The following C2CD2 variants were observed in gnomAD, a reference collection of about 807,000 sequenced individuals.
C2CD2 encodes C2 calcium dependent domain containing 2, also known as C2 domain-containing protein 2.
C2CD2 carries 43 observed loss-of-function variants against 74.3 expected under a neutral mutation model. The observed-to-expected ratio is 0.58, with a 90% CI of 0.45 to 0.75. C2CD2 has a LOEUF of 0.75. Ranked by LOEUF, C2CD2 falls within the 30% of genes least tolerant of loss-of-function variation. C2CD2 has a pLI of 0.00. For missense variants in C2CD2, 801 were observed against 916.3 expected (o/e 0.87, Z 1.63); for synonymous variants, 422 against 390.7 (o/e 1.08, Z -0.94).
chr21:41,952,150 G>T (rs2065455262), intron 1 of C2CD2, among the ~76,000 whole-genome samples: 1 of 152,226 alleles, frequency 6.6e-6, no homozygotes, highest in African/African-American at 2.4e-5. Context: ...CTGAGGCACA[G>T]ATTCTGGGCA....
intron 1 of C2CD2, 50 bp downstream of exon 1, chr21:41,953,320 C>A (rs758563355): frequency 3.1e-6 from 4 of 1,287,010 alleles, no homozygotes; most frequent in Admixed American, 3.6e-5. Flanking sequence ...CGGCCCGGAC[C>A]GCCCGCCCCG....
chr21:41,947,500 G>A (rs531121478), intron 1 of C2CD2, among the ~76,000 whole-genome samples: 1 of 152,122 alleles, frequency 6.6e-6, no homozygotes, highest in Non-Finnish European at 1.5e-5. Flanking sequence ...CTTGTGTTAT[G>A]AATCATAGTA....
Position 41,939,149 on chromosome 21 carries a change from C to A in C2CD2, c.378+2998G>T, listed in dbSNP as rs1282688261. On this transcript the variant is annotated intron_variant, in intron 2 of 13. Transcript: ENST00000380486. The surrounding 1 kb of genome is among the most constrained non-coding windows in gnomAD (Gnocchi z 5.5). ...GGGCCCTTGGGTTCCTTCCACATTT[C>A]AGCAGTTATGAAAAATGTTGCTATG... Among the ~76,000 whole-genome samples, 1 of 152,156 alleles carries A rather than the reference C, an allele frequency of 6.6e-6. No homozygotes were observed.
Position 41,892,394 on chromosome 21 carries a change from G to A in C2CD2, c.1871-3050C>T, listed in dbSNP as rs1056922587. On this transcript the variant is annotated intron_variant, in intron 13 of 13. Coordinates refer to ENST00000380486, the MANE Select transcript of C2CD2 (RefSeq NM_015500.2). The surrounding 1 kb of genome is among the most constrained non-coding windows in gnomAD (Gnocchi z 4.6). ...AACAGGGAAAGAATTGGCTCCTGGT[G>A]TTGCAAACACCCAGTTTGTGGTACT... Among the ~76,000 whole-genome samples the A allele has an allele frequency of 7.9e-5, 12 of 152,266 alleles. No homozygotes were observed. The highest frequency in any genetic ancestry group is 7.8e-4 in the Admixed American group (12 of 15,302).
intron 12 of C2CD2, chr21:41,901,394 A>G (rs1258879190): frequency 3.4e-6 from 2 of 589,372 alleles, no homozygotes; most frequent in East Asian, 5.8e-5. Flanking sequence ...CAACGTGTAA[A>G]GCGTCCCTGA....
In C2CD2 at chr21:41,892,655, C is replaced by T. The variant is rs145690941; in HGVS notation, c.1871-3311G>A. 4.1e-4 allele frequency among the ~76,000 whole-genome samples: 61 copies of T among 149,292 alleles called. No homozygotes were observed. Among genetic ancestry groups the T allele is most frequent in the African/African-American group, 1.5e-3 (61 of 41,378 alleles). On this transcript the variant is annotated intron_variant, in intron 13 of 13. Coordinates refer to ENST00000380486, the MANE Select transcript of C2CD2 (RefSeq NM_015500.2). The surrounding 1 kb of genome is among the most constrained non-coding windows in gnomAD (Gnocchi z 4.6). The stretch of plus-strand genomic sequence containing the variant: ...ATGATGGGGGTCTGGGGACACTGGG[C>T]ATGAGCATTTTTCAAAAGTTCCCAG...
chr21:41,911,699 T>C (rs964527581), intron 7 of C2CD2, among the ~76,000 whole-genome samples: 1 of 151,792 alleles, frequency 6.6e-6, no homozygotes, highest in African/African-American at 2.4e-5. Flanking sequence ...TTCTTTCTTT[T>C]TTTTTTTTTG....
chr21:41,886,286 T>C lies in C2CD2; in HGVS notation c.*2838A>G, dbSNP rs559445875. On this transcript the variant is annotated 3_prime_UTR_variant, in exon 14 of 14. Transcript: ENST00000380486. ...AAAGCTTGTAGAAGAGGTGAGGCGA[T>C]AAAGGTGATTTACACATCAGTATTT... is the stretch of plus-strand genomic sequence containing the variant. 6.6e-6 allele frequency: 1 copy of C among 152,238 alleles called. No individual in the cohort carries two copies. Among genetic ancestry groups the C allele is most frequent in the Non-Finnish European group, 1.5e-5 (1 of 68,042 alleles). 9.4% of individuals were successfully genotyped at this position (152,238 alleles called of 1,614,324 possible). A position where few individuals can be genotyped will look rare whatever the true frequency, so the allele number is the denominator to read the frequency against.
At chr21:41,893,974 C>G (rs1401759713) in intron 13 of C2CD2, among the ~76,000 whole-genome samples, 1 of 152,244 alleles carries the variant, frequency 6.6e-6, no homozygotes, top group African/African-American at 2.4e-5. Context: ...GCTGGGATTA[C>G]AGGTGTGAGC....
chr21:41,941,561 T>C (rs1383220732), intron 2 of C2CD2, among the ~76,000 whole-genome samples: 2 of 152,242 alleles, frequency 1.3e-5, no homozygotes, highest in Non-Finnish European at 2.9e-5. Context: ...ATCATAAATA[T>C]ATAAAGTCTA....
chr21:41,951,062 C>T (rs2065446636), intron 1 of C2CD2, among the ~76,000 whole-genome samples: 1 of 152,132 alleles, frequency 6.6e-6, no homozygotes, highest in Admixed American at 6.5e-5. Flanking sequence ...AGGGCAGCCA[C>T]GAATGGACAC....
In C2CD2 at chr21:41,929,760, C is replaced by G. The variant is rs1468370104; in HGVS notation, c.379-7675G>C. Among the ~76,000 whole-genome samples the G allele has an allele frequency of 6.6e-6, 1 of 152,234 alleles. No individual in the cohort carries two copies. The highest frequency in any genetic ancestry group is 2.4e-5 in the African/African-American group (1 of 41,456). ...CCAAGTGTCCAGCTCAGCTCCTGCC[C>G]TCATCAGCAAGTTTTCCAAATGAAA... On this transcript the variant is annotated intron_variant, in intron 2 of 13. Transcript: ENST00000380486. The surrounding 1 kb of genome is among the most constrained non-coding windows in gnomAD (Gnocchi z 4.6).
chr21:41,949,998 G>A lies in C2CD2; in HGVS notation c.279+3372C>T, dbSNP rs115330284. ...CACCAGGGCCTGTCAGGGACTGGGC[G>A]GCTGGGGAAGGGATAGCACTAGGAC... is the stretch of plus-strand genomic sequence containing the variant. On this transcript the variant is annotated intron_variant, in intron 1 of 13. Coordinates refer to ENST00000380486, the MANE Select transcript of C2CD2 (RefSeq NM_015500.2). 6.4e-3 allele frequency among the ~76,000 whole-genome samples: 977 copies of A among 152,286 alleles called. 8 individuals carry two copies. The highest frequency in any genetic ancestry group is 0.022 in the African/African-American group (919 of 41,554).
intron 2 of C2CD2, among the ~76,000 whole-genome samples, chr21:41,935,139 C>G (rs988377606): frequency 8.5e-5 from 13 of 152,168 alleles, no homozygotes; most frequent in Non-Finnish European, 1.2e-4. Context: ...ATCCACCTGC[C>G]CTGGCCTTCC....
chr21:41,901,799 C>A (rs372877911), intron 11 of C2CD2, 50 bp from the exon 12 acceptor site: 2 of 1,547,476 alleles, frequency 1.3e-6, no homozygotes, highest in Non-Finnish European at 1.8e-6. Context: ...TTAAAGACTT[C>A]CATGGGAACT....
At chr21:41,919,777 G>T (rs2065135539) in intron 3 of C2CD2, among the ~76,000 whole-genome samples, 1 of 152,164 alleles carries the variant, frequency 6.6e-6, no homozygotes, top group Non-Finnish European at 1.5e-5. Context: ...AGACAGAACA[G>T]CGGCCCCCAA....
intron 2 of C2CD2, among the ~76,000 whole-genome samples, chr21:41,936,009 T>C (rs995416162): frequency 2.7e-5 from 4 of 149,982 alleles, no homozygotes; most frequent in South Asian, 2.1e-4. Context: ...AAAAAAAACA[T>C]AGAAGGAAAG....
At chr21:41,948,870 C>CTTTTTTTTGT (rs2065424689) in intron 1 of C2CD2, among the ~76,000 whole-genome samples, 1 of 80,686 alleles carries the variant, frequency 1.2e-5, no homozygotes, top group Non-Finnish European at 2.3e-5. Flanking sequence ...CACACAGCAT[C>CTTTTTTTTGT]TTTTTTTTTT....
chr21:41,940,409 C>T (rs769584520), intron 2 of C2CD2, among the ~76,000 whole-genome samples: 1 of 152,090 alleles, frequency 6.6e-6, no homozygotes, highest in African/African-American at 2.4e-5. Flanking sequence ...ACACAAATAC[C>T]CCAGCTGTCA....
Sources: allele counts gnomAD v4.1 joint callset (sites outside exome capture counted in the v4.1 genomes callset), GRCh38; gene constraint gnomAD v4.1.1; non-coding constraint Gnocchi (gnomAD v3.1); transcripts MANE v1.5; gene names NCBI Gene and HGNC (gene_info 2026-07-23, HGNC 2026-07-21).